Variants in LIMS1 observed in about 807,000 individuals in gnomAD.
LIMS1 encodes the protein LIM and senescent cell antigen-like-containing domain protein 1.
LIMS1 carries 18 observed loss-of-function variants against 44.1 expected under a neutral mutation model. The observed-to-expected ratio is 0.41, with a 90% CI of 0.28 to 0.61. The LOEUF is 0.61. LIMS1 is among the 20% of genes least tolerant of loss of function. The probability of loss-of-function intolerance (pLI) is 0.32; values close to 1 mark genes in which losing one functional copy is unlikely to be tolerated. For synonymous variants in LIMS1, 93 were observed against 149.1 expected (o/e 0.62, Z 2.74); for missense variants, 201 against 422.0 (o/e 0.48, Z 4.59).
intron 1 of LIMS1, among the ~76,000 whole-genome samples, chr2:108,642,852 A>T (rs960672870): frequency 3.3e-5 from 5 of 152,174 alleles, no homozygotes; most frequent in African/African-American, 1.2e-4. Context: ...TCATGAAGTT[A>T]GCAGACAGTT....
intron 1 of LIMS1, among the ~76,000 whole-genome samples, chr2:108,635,861 C>T (rs1309401458): frequency 3.3e-5 from 5 of 152,120 alleles, no homozygotes; most frequent in African/African-American, 1.2e-4. Context: ...AATGTAAATA[C>T]AATTGTTTAA....
chr2:108,627,796 G>A (rs886074146), intron 1 of LIMS1, among the ~76,000 whole-genome samples: 4 of 152,202 alleles, frequency 2.6e-5, no homozygotes, highest in Admixed American at 6.5e-5. Context: ...AACTTTGGAC[G>A]TGAATATTTT....
chr2:108,680,952 C>G lies in LIMS1; in HGVS notation c.899+182C>G, dbSNP rs902593148. On this transcript the variant is annotated intron_variant, in intron 9 of 9. Transcript: ENST00000544547. ...TTCCCTGTTCTTTCTTCTATTCCTT[C>G]TTTGTCCTACTCAAAGGGATAAGTT... 2.4e-4 allele frequency: 323 copies of G among 1,323,568 alleles called. 1 individual carries two copies. The highest frequency in any genetic ancestry group is 7.1e-4 in the East Asian group (27 of 38,158). 82.0% of individuals were successfully genotyped at this position (1,323,568 alleles called of 1,614,324 possible).
rs59941456 is a variant in LIMS1 at position 108,630,192 on chromosome 2, C to CA, written c.33-29390dup. Reference sequence around the variant, plus strand: ...TGGGCAACAGAGTGAGACCCTGTCTCAAAAAAAAAAAAAAAAAAAAAAAGA... The same window carrying CA: ...TGGGCAACAGAGTGAGACCCTGTCTCAAAAAAAAAAAAAAAAAAAAAAAAGA... On this transcript the variant is annotated intron_variant, in intron 1 of 9. Coordinates refer to ENST00000544547, the Ensembl canonical transcript of LIMS1. Among the ~76,000 whole-genome samples the CA allele has an allele frequency of 5.6e-4, 58 of 103,922 alleles. 1 individual carries two copies. Among genetic ancestry groups the CA allele is most frequent in the Middle Eastern group, 4.6e-3 (1 of 218 alleles). The allele number at this position is 103,922 out of a possible 152,430, so 68.2% of individuals were successfully genotyped here.
intron 1 of LIMS1, among the ~76,000 whole-genome samples, chr2:108,574,208 G>T (rs1685586982): frequency 1.3e-5 from 2 of 152,134 alleles, no homozygotes; most frequent in Non-Finnish European, 2.9e-5. Context: ...TTTTTAAGTG[G>T]ATGAAATTTC....
At position 108,611,330 on chromosome 2, in the gene LIMS1, A is replaced by C. The variant is rs563406761; in HGVS notation, c.33-48275A>C. ...TGGGCGCATAAGAAGCACTCAATAC[A>C]TCTAGCTCTTGACCAAGGTGCTATT... is the stretch of plus-strand genomic sequence containing the variant. On this transcript the variant is annotated intron_variant, in intron 1 of 9. Coordinates refer to ENST00000544547, the Ensembl canonical transcript of LIMS1. Among the ~76,000 whole-genome samples, 87 of 152,368 alleles carry C rather than the reference A, an allele frequency of 5.7e-4. No homozygotes were observed. In the South Asian group the frequency reaches 8.7e-3, roughly 15 times the overall value.
intron 1 of LIMS1, among the ~76,000 whole-genome samples, chr2:108,626,252 G>T (rs976235737): frequency 1.3e-5 from 2 of 152,066 alleles, no homozygotes; most frequent in African/African-American, 4.8e-5. Flanking sequence ...TAGACAATAG[G>T]GATAAAATTG....
exon 10 of LIMS1, chr2:108,685,040 AT>A (rs1309069000): frequency 1.3e-5 from 2 of 152,144 alleles, no homozygotes; most frequent in African/African-American, 2.4e-5. Context: ...ACCCAGATTC[AT>A]TTACCACAGC....
intron 1 of LIMS1, chr2:108,659,016 T>C (rs1691134374): frequency 6.6e-6 from 1 of 152,352 alleles, no homozygotes; most frequent in Non-Finnish European, 1.5e-5. Flanking sequence ...GATTTTAAGA[T>C]ACATTTTATA....
intron 9 of LIMS1, 124 bp from the exon 10 acceptor site, chr2:108,683,761 A>T: frequency 2.2e-6 from 1 of 458,338 alleles, no homozygotes; most frequent in Non-Finnish European, 3.9e-6. Flanking sequence ...TTTTACTAAC[A>T]TGAATATAAT....
intron 1 of LIMS1, among the ~76,000 whole-genome samples, chr2:108,657,549 C>T (rs1690976956): frequency 1.3e-5 from 2 of 152,274 alleles, no homozygotes; most frequent in Non-Finnish European, 2.9e-5. Flanking sequence ...GAAGCACAAA[C>T]CCCTCCAGAG....
chr2:108,540,489 C>T (rs781643187), intron 1 of LIMS1, among the ~76,000 whole-genome samples: 1 of 152,052 alleles, frequency 6.6e-6, no homozygotes, highest in East Asian at 1.9e-4. Flanking sequence ...TGAGCCACCG[C>T]GCCTGGCTGA....
intron 1 of LIMS1, among the ~76,000 whole-genome samples, chr2:108,652,670 A>T (rs796118867): frequency 1.3e-5 from 2 of 152,310 alleles, no homozygotes; most frequent in African/African-American, 4.8e-5. Flanking sequence ...GCACACATGC[A>T]TTGTTGCAAT....
chr2:108,659,803 C>T (rs1691209225), intron 2 of LIMS1, 39 bp downstream of exon 2: 1 of 1,612,030 alleles, frequency 6.2e-7, no homozygotes, highest in Non-Finnish European at 8.5e-7. Context: ...GTGCCATTCC[C>T]CGCCCTCCCG....
chr2:108,552,530 ATATT>A (rs1479775776), intron 1 of LIMS1, among the ~76,000 whole-genome samples: 1 of 147,024 alleles, frequency 6.8e-6, no homozygotes, highest in East Asian at 1.9e-4. Context: ...TATATCTTAT[ATATT>A]TATATATATA....
chr2:108,641,518 T>C (rs1689664140), intron 1 of LIMS1, among the ~76,000 whole-genome samples: 1 of 152,208 alleles, frequency 6.6e-6, no homozygotes, highest in Non-Finnish European at 1.5e-5. Context: ...ATTTCATTAT[T>C]GTTAGGTGAT....
intron 1 of LIMS1, among the ~76,000 whole-genome samples, chr2:108,570,694 T>G (rs150818373): frequency 4.4e-4 from 67 of 152,254 alleles, no homozygotes; most frequent in African/African-American, 1.4e-3. Flanking sequence ...GTGGCCATCC[T>G]GGGAGGCGGT....
chr2:108,534,754 C>A (rs1276553205), intron 1 of LIMS1, among the ~76,000 whole-genome samples, 160 bp downstream of exon 1: 3 of 151,434 alleles, frequency 2.0e-5, no homozygotes, highest in Non-Finnish European at 4.4e-5. Context: ...CGGGTGGCGG[C>A]GTGGCTGCGT....
chr2:108,559,055 G>A (rs1394344298), intron 1 of LIMS1, among the ~76,000 whole-genome samples: 2 of 152,300 alleles, frequency 1.3e-5, no homozygotes, highest in African/African-American at 2.4e-5. Context: ...CGTTAGGGCA[G>A]GCTGAGCAAG....
Sources: allele counts gnomAD v4.1 joint callset (sites outside exome capture counted in the v4.1 genomes callset), GRCh38; gene constraint gnomAD v4.1.1; transcripts MANE v1.5; gene names NCBI Gene and HGNC (gene_info 2026-07-23, HGNC 2026-07-21).